The following MTUS2 variants were observed in gnomAD, a reference collection of about 807,000 sequenced individuals.
MTUS2 encodes microtubule-associated tumor suppressor candidate 2.
Under a neutral mutation model 114.1 loss-of-function variants are expected in MTUS2, and 40 were observed. The observed-to-expected ratio is 0.35, with a 90% CI of 0.27 to 0.46. MTUS2 has a LOEUF of 0.46. Ranked by LOEUF, MTUS2 falls within the 20% of genes least tolerant of loss-of-function variation. The probability of loss-of-function intolerance (pLI) is 1.00; values close to 1 mark genes in which losing one functional copy is unlikely to be tolerated. For synonymous variants in MTUS2, 688 were observed against 672.0 expected (o/e 1.02, Z -0.37); for missense variants, 1,679 against 1,705.4 (o/e 0.98, Z 0.27).
At chr13:29,412,301 A>T (rs1017595456) in intron 8 of MTUS2, among the ~76,000 whole-genome samples, 1 of 152,194 alleles carries the variant, frequency 6.6e-6, no homozygotes, top group Non-Finnish European at 1.5e-5. Flanking sequence ...ACTGGAATGG[A>T]TATCAAATTT....
At chr13:29,192,556 AAC>A (rs1353114006) in intron 5 of MTUS2, among the ~76,000 whole-genome samples, 2 of 152,204 alleles carry the variant, frequency 1.3e-5, no homozygotes, top group African/African-American at 4.8e-5. Context: ...AAATGTTCCC[AAC>A]ACAAAGAAAT....
chr13:29,156,654 C>T (rs1892873466), intron 5 of MTUS2, among the ~76,000 whole-genome samples: 1 of 152,202 alleles, frequency 6.6e-6, no homozygotes, highest in African/African-American at 2.4e-5. Context: ...TTTGGAGTTA[C>T]TTGGAGGATA....
intron 5 of MTUS2, among the ~76,000 whole-genome samples, chr13:29,115,333 A>G (rs1040503119): frequency 4.6e-5 from 7 of 152,208 alleles, no homozygotes; most frequent in Non-Finnish European, 1.0e-4. Flanking sequence ...GGCGATGTCA[A>G]TAAAATAGCT....
chr13:29,283,620 C>T (rs1032084753), intron 6 of MTUS2, among the ~76,000 whole-genome samples: 1 of 152,134 alleles, frequency 6.6e-6, no homozygotes, highest in South Asian at 2.1e-4. Flanking sequence ...ACACACATTA[C>T]TGGACGCTAT....
At chr13:29,053,789 C>T (rs1888009078) in intron 4 of MTUS2, among the ~76,000 whole-genome samples, 1 of 151,958 alleles carries the variant, frequency 6.6e-6, no homozygotes, top group Non-Finnish European at 1.5e-5. Context: ...ATGTACATAC[C>T]ACAATTTGAT....
intron 5 of MTUS2, among the ~76,000 whole-genome samples, chr13:29,122,698 A>G (rs1300310306): frequency 1.3e-5 from 2 of 152,194 alleles, no homozygotes; most frequent in African/African-American, 2.4e-5. Context: ...TGTGGGTTCT[A>G]TCACCACCTA....
At chr13:29,182,327 G>A (rs1894040739) in intron 5 of MTUS2, among the ~76,000 whole-genome samples, 1 of 152,198 alleles carries the variant, frequency 6.6e-6, no homozygotes, top group Non-Finnish European at 1.5e-5. Context: ...CATCTATACA[G>A]TCTCCACTGA....
Position 28,923,003 on chromosome 13 carries a change from C to T in MTUS2, c.-243+83153C>T, listed in dbSNP as rs887564194. Among the ~76,000 whole-genome samples, 117 of 152,198 alleles carry T rather than the reference C, an allele frequency of 7.7e-4. 2 individuals are homozygous for T. The highest frequency in any genetic ancestry group is 1.4e-3 in the African/African-American group (60 of 41,538). ...CAAATGTTGGACCTTTTTCTGTTGT[C>T]GCACAGGTGCTCTGTTCCTTTTTTT... is the stretch of plus-strand genomic sequence containing the variant. On this transcript the variant is annotated intron_variant, in intron 2 of 15. Coordinates refer to ENST00000612955, the MANE Select transcript of MTUS2 (RefSeq NM_001033602.4).
At chr13:29,427,176 G>T (rs1876604529) in intron 8 of MTUS2, among the ~76,000 whole-genome samples, 1 of 152,064 alleles carries the variant, frequency 6.6e-6, no homozygotes, top group East Asian at 1.9e-4. Flanking sequence ...CTCACGAGAG[G>T]GTAAAAAGTG....
chr13:29,291,632 G>A (rs1194840899), intron 6 of MTUS2, among the ~76,000 whole-genome samples: 1 of 152,138 alleles, frequency 6.6e-6, no homozygotes, highest in African/African-American at 2.4e-5. Context: ...CCTCGGTCCT[G>A]CTGACCTCAT....
chr13:29,045,731 A>G (rs1887584116), intron 4 of MTUS2, among the ~76,000 whole-genome samples: 1 of 152,166 alleles, frequency 6.6e-6, no homozygotes, highest in East Asian at 1.9e-4. Flanking sequence ...CTGAATATCA[A>G]AGAAAATCAA....
intron 10 of MTUS2, chr13:29,482,187 T>A (rs2138908493): frequency 6.6e-6 from 1 of 152,272 alleles, no homozygotes; most frequent in Admixed American, 6.5e-5. Flanking sequence ...TAAGAGGTGG[T>A]CCGCAGGCAG....
chr13:29,440,725 T>C (rs1353015490), intron 9 of MTUS2, among the ~76,000 whole-genome samples: 1 of 152,014 alleles, frequency 6.6e-6, no homozygotes, highest in Non-Finnish European at 1.5e-5. Context: ...TCTGTTCCTA[T>C]TGCCCGCTAT....
At chr13:29,225,157 G>T (rs113257778) in intron 5 of MTUS2, among the ~76,000 whole-genome samples, 6 of 152,328 alleles carry the variant, frequency 3.9e-5, no homozygotes, top group South Asian at 2.1e-4. Context: ...GTAGGAGCCT[G>T]CCTGCAGCCT....
At chr13:29,232,297 C>T (rs570137413) in intron 5 of MTUS2, among the ~76,000 whole-genome samples, 1 of 5,256 alleles carries the variant, frequency 1.9e-4, no homozygotes, top group South Asian at 0.011. Flanking sequence ...CACACACACA[C>T]GCGCGCGCGC....
At chr13:29,378,115 T>C (rs1308954952) in intron 8 of MTUS2, among the ~76,000 whole-genome samples, 1 of 152,112 alleles carries the variant, frequency 6.6e-6, no homozygotes, top group African/African-American at 2.4e-5. Flanking sequence ...AGGTTAGAGA[T>C]GGGGGAGTGT....
Position 29,503,751 on chromosome 13 carries a change from A to AG in MTUS2, c.*545_*546insG, listed in dbSNP as rs746926660. 1.3e-4 allele frequency: 32 copies of AG among 237,398 alleles called. No individual in the cohort carries two copies. The highest frequency in any genetic ancestry group is 2.3e-4 in the Non-Finnish European group (27 of 119,928). 14.7% of individuals were successfully genotyped at this position (237,398 alleles called of 1,614,324 possible). A position where few individuals can be genotyped will look rare whatever the true frequency, so the allele number is the denominator to read the frequency against. On this transcript the variant is annotated 3_prime_UTR_variant, in exon 16 of 16. Transcript: ENST00000612955. ...CCCAAAATAGAAAAAGGAAAAAAAA[A>AG]AAGATACAGAGAAGAAGCGCCTTTC...
chr13:29,177,063 G>C (rs1486632170), intron 5 of MTUS2, among the ~76,000 whole-genome samples: 1 of 151,124 alleles, frequency 6.6e-6, no homozygotes, highest in East Asian at 1.9e-4. Flanking sequence ...GACTTGCTCA[G>C]CCATCATTTT....
At chr13:29,009,975 G>T (rs1459675011) in intron 2 of MTUS2, among the ~76,000 whole-genome samples, 1 of 152,082 alleles carries the variant, frequency 6.6e-6, no homozygotes, top group East Asian at 1.9e-4. Context: ...ACTTTGGGAG[G>T]CTGAGGCGGA....
Sources: allele counts gnomAD v4.1 joint callset (sites outside exome capture counted in the v4.1 genomes callset), GRCh38; gene constraint gnomAD v4.1.1; transcripts MANE v1.5; gene names NCBI Gene and HGNC (gene_info 2026-07-23, HGNC 2026-07-21).